OCA2: variants seen among roughly 807,000 people sequenced by gnomAD.
OCA2 encodes OCA2 melanosomal transmembrane protein, also known as P protein.
Under a neutral mutation model 100.2 loss-of-function variants are expected in OCA2, and 77 were observed. The observed-to-expected ratio is 0.77, with a 90% CI of 0.64 to 0.93. The LOEUF is 0.93. Among genes scored for constraint, OCA2 ranks in the 40% least tolerant of loss-of-function variants. OCA2 has a pLI of 0.00. For missense variants in OCA2, 1,062 were observed against 1,089.1 expected, an observed-to-expected ratio of 0.98 and a Z score of 0.35; for synonymous variants, 432 against 439.2, an observed-to-expected ratio of 0.98 and a Z score of 0.21.
chr15:27,824,602 C>CTCTCTATATATATATATATATATATA, intron 23 of OCA2, among the ~76,000 whole-genome samples: 4 of 47,606 alleles, frequency 8.4e-5, no homozygotes, highest in Non-Finnish European at 1.3e-4. Context: ...CTCTCTCTCT[C>CTCTCTATATATATATATATATATATA]TATATATATA....
At chr15:27,763,609 T>A (rs1158418077) in intron 23 of OCA2, among the ~76,000 whole-genome samples, 1 of 152,080 alleles carries the variant, frequency 6.6e-6, no homozygotes. Flanking sequence ...GCGATGCCGG[T>A]GTGATGGAGA....
chr15:28,001,838 C>T (rs550494419), intron 9 of OCA2, among the ~76,000 whole-genome samples: 3 of 152,192 alleles, frequency 2.0e-5, no homozygotes, highest in Non-Finnish European at 4.4e-5. Context: ...TGACAAATGC[C>T]CAGCCGGGCA....
intron 7 of OCA2, among the ~76,000 whole-genome samples, chr15:28,018,038 G>A (rs1289471337): frequency 1.3e-5 from 2 of 151,766 alleles, no homozygotes; most frequent in East Asian, 3.9e-4. Context: ...TAACCGTGCT[G>A]TGGAAGTGTC....
At chr15:27,823,139 T>C (rs939495999) in intron 23 of OCA2, among the ~76,000 whole-genome samples, 6 of 152,238 alleles carry the variant, frequency 3.9e-5, no homozygotes, top group Non-Finnish European at 8.8e-5. Context: ...TAGTGTTACC[T>C]CTGTCATAAA....
At chr15:28,061,884 G>T (rs760050082) in intron 2 of OCA2, among the ~76,000 whole-genome samples, 2 of 152,130 alleles carry the variant, frequency 1.3e-5, no homozygotes, top group Non-Finnish European at 2.9e-5. Context: ...TATCCAAGTG[G>T]TAGCACATAT....
At chr15:28,047,331 G>A (rs2043375988) in intron 2 of OCA2, among the ~76,000 whole-genome samples, 1 of 152,188 alleles carries the variant, frequency 6.6e-6, no homozygotes, top group Non-Finnish European at 1.5e-5. Context: ...TATTGATATA[G>A]TACCACATTA....
At chr15:27,839,521 T>C (rs928798952) in intron 23 of OCA2, among the ~76,000 whole-genome samples, 2 of 152,224 alleles carry the variant, frequency 1.3e-5, no homozygotes, top group Admixed American at 6.5e-5. Context: ...GTGATTCCAA[T>C]ACTGAATAAA....
intron 19 of OCA2, among the ~76,000 whole-genome samples, chr15:27,875,185 A>G (rs2036738057): frequency 6.6e-6 from 1 of 152,224 alleles, no homozygotes; most frequent in Admixed American, 6.5e-5. Flanking sequence ...ACTACAAATC[A>G]ACTCTAGCAT....
chr15:27,809,605 T>G (rs2033995279), intron 23 of OCA2, among the ~76,000 whole-genome samples: 1 of 152,178 alleles, frequency 6.6e-6, no homozygotes, highest in South Asian at 2.1e-4. Flanking sequence ...GATATGATAG[T>G]ATACCTAGAA....
chr15:28,072,034 C>T (rs576804692), intron 2 of OCA2, among the ~76,000 whole-genome samples: 3 of 152,288 alleles, frequency 2.0e-5, no homozygotes, highest in East Asian at 1.9e-4. Flanking sequence ...GCCTAATATC[C>T]GGAATCTATT....
At chr15:27,904,135 A>G (rs1253148603) in intron 19 of OCA2, among the ~76,000 whole-genome samples, 1 of 152,034 alleles carries the variant, frequency 6.6e-6, no homozygotes, top group African/African-American at 2.4e-5. Context: ...TCGCCTCTGA[A>G]CCTTTGTGGA....
rs191109319 is a variant in OCA2 at position 27,957,408 on chromosome 15, C to T, written c.1784+180G>A. On this transcript the variant is annotated intron_variant, in intron 16 of 23. Transcript: ENST00000354638. The surrounding 1 kb of genome is among the most constrained non-coding windows in gnomAD (Gnocchi z 4.3). ...GTGTTGTTTCTTTGGTCCTTAAACT[C>T]GGCTGTGTACCCCCTGCAGAGCTCA... is the stretch of plus-strand genomic sequence containing the variant. Among the ~76,000 whole-genome samples, 51 of 152,230 alleles carry T rather than the reference C, an allele frequency of 3.4e-4. 1 individual carries two copies. Among genetic ancestry groups the T allele is most frequent in the African/African-American group, 1.2e-3 (48 of 41,534 alleles).
chr15:27,986,491 T>G, intron 12 of OCA2, 96 bp downstream of exon 12: 1 of 892,758 alleles, frequency 1.1e-6, no homozygotes, highest in South Asian at 1.5e-5. Context: ...TTTTTCAATG[T>G]TTGTTTTAAA....
Position 27,887,256 on chromosome 15 carries a change from A to T in OCA2, c.2080-15334T>A, listed in dbSNP as rs570994404. Among the ~76,000 whole-genome samples the T allele has an allele frequency of 1.8e-4, 28 of 152,230 alleles. 1 individual carries two copies. The South Asian group carries it at 5.2e-3, about 28-fold the overall frequency. ...ATTAGCAGCATGAAAATGGACTAATACAGGAGCCCAGGAAAATGGGAACAG... is the reference window on the plus strand; with the variant it reads ...ATTAGCAGCATGAAAATGGACTAATTCAGGAGCCCAGGAAAATGGGAACAG... On this transcript the variant is annotated intron_variant, in intron 19 of 23. Transcript: ENST00000354638.
At chr15:28,032,300 C>G (rs925082615) in intron 2 of OCA2, 137 bp from the exon 3 acceptor site, 2 of 739,122 alleles carry the variant, frequency 2.7e-6, no homozygotes, top group African/African-American at 1.7e-5. Context: ...AAGGGTCTGT[C>G]TGAATTGTAA....
intron 18 of OCA2, among the ~76,000 whole-genome samples, chr15:27,942,858 CATTAT>C (rs1366749192): frequency 6.6e-6 from 1 of 151,982 alleles, no homozygotes; most frequent in Non-Finnish European, 1.5e-5. Context: ...TATTATATTG[CATTAT>C]ATTATATTTA....
At chr15:27,864,959 C>T (rs968816315) in intron 21 of OCA2, among the ~76,000 whole-genome samples, 1 of 151,562 alleles carries the variant, frequency 6.6e-6, no homozygotes, top group Non-Finnish European at 1.5e-5. Flanking sequence ...GAAGAAGAGG[C>T]GGCGGGTGTG....
intron 19 of OCA2, among the ~76,000 whole-genome samples, chr15:27,903,065 G>C (rs1224243506): frequency 2.0e-5 from 3 of 152,192 alleles, no homozygotes; most frequent in Non-Finnish European, 4.4e-5. Flanking sequence ...AAGGAGAGGA[G>C]CCCTCTGTGA....
intron 2 of OCA2, among the ~76,000 whole-genome samples, chr15:28,058,148 T>C (rs1425403462): frequency 1.3e-5 from 2 of 152,042 alleles, no homozygotes; most frequent in Non-Finnish European, 2.9e-5. Context: ...CCCCCAATAA[T>C]GAAATGAGAG....
Sources: gnomAD v4.1 joint callset for allele counts (sites outside exome capture counted in the v4.1 genomes callset) on GRCh38, gnomAD v4.1.1 for gene constraint, Gnocchi (gnomAD v3.1) non-coding constraint, MANE v1.5 for transcripts, NCBI Gene and HGNC (gene_info 2026-07-23, HGNC 2026-07-21) for gene names.